The following TUSC3 variants were observed in gnomAD, a reference collection of about 807,000 sequenced individuals.
TUSC3 encodes dolichyl-diphosphooligosaccharide--protein glycosyltransferase subunit TUSC3.
A neutral mutation model predicts 44.8 loss-of-function variants in TUSC3; 45 were observed. That is an observed-to-expected ratio of 1.00 (90% confidence interval 0.79 to 1.29). TUSC3 has a LOEUF of 1.29. Among genes scored for constraint, TUSC3 ranks in the 50% most tolerant of loss-of-function variants. The pLI is 0.00. For synonymous variants in TUSC3, 212 were observed against 152.9 expected, an observed-to-expected ratio of 1.39 and a Z score of -2.85; for missense variants, 519 against 437.9, an observed-to-expected ratio of 1.19 and a Z score of -1.65.
chr8:15,849,451 G>T, the TUSC3 span, among the ~76,000 whole-genome samples: 39 of 152,064 alleles, frequency 2.6e-4, no homozygotes, highest in Admixed American at 1.3e-4. Context: ...GTTTCCACAT[G>T]GTGAAACTGA....
At chr8:15,741,416 A>AATGTC (rs1246771183) in intron 7 of TUSC3, among the ~76,000 whole-genome samples, 2 of 152,222 alleles carry the variant, frequency 1.3e-5, no homozygotes, top group Non-Finnish European at 2.9e-5. Context: ...AATATTTAAA[A>AATGTC]ATGTCATAGT....
intron 2 of TUSC3, among the ~76,000 whole-genome samples, chr8:15,494,643 C>T (rs1585065238): frequency 6.6e-6 from 1 of 152,256 alleles, no homozygotes; most frequent in African/African-American, 2.4e-5. Context: ...AGATTTCCAG[C>T]ACACTAACCA....
At chr8:15,772,819 T>G in the TUSC3 span, among the ~76,000 whole-genome samples, 1 of 152,176 alleles carries the variant, frequency 6.6e-6, no homozygotes, top group Non-Finnish European at 1.5e-5. Context: ...GTGGGAATTA[T>G]TCCAGAAATG....
intron 2 of TUSC3, among the ~76,000 whole-genome samples, chr8:15,528,119 T>A (rs1395662417): frequency 1.3e-5 from 2 of 152,148 alleles, no homozygotes; most frequent in Non-Finnish European, 2.9e-5. Flanking sequence ...CAATAAAACA[T>A]AATGATTAAT....
At chr8:15,628,608 T>C (rs2129166938) in intron 2 of TUSC3, among the ~76,000 whole-genome samples, 1 of 152,228 alleles carries the variant, frequency 6.6e-6, no homozygotes, top group South Asian at 2.1e-4. Context: ...CAAAGCAGTA[T>C]AGAGAAAGGG....
the TUSC3 span, among the ~76,000 whole-genome samples, chr8:15,834,975 G>A: frequency 6.6e-6 from 1 of 152,194 alleles, no homozygotes; most frequent in Admixed American, 6.5e-5. Context: ...GGACATGCAA[G>A]GGTCATGTAA....
At chr8:15,759,536 T>C (rs567096536) in intron 10 of TUSC3, among the ~76,000 whole-genome samples, 1 of 152,092 alleles carries the variant, frequency 6.6e-6, no homozygotes, top group East Asian at 1.9e-4. Flanking sequence ...TGTTCAGATA[T>C]TTCACAGGAA....
chr8:15,810,264 A>G, the TUSC3 span, among the ~76,000 whole-genome samples: 1 of 152,140 alleles, frequency 6.6e-6, no homozygotes, highest in South Asian at 2.1e-4. Flanking sequence ...GTAGCTAAAG[A>G]ACCCCTGGCT....
At chr8:15,768,772 C>G (rs1182885653), downstream of TUSC3, among the ~76,000 whole-genome samples, 1 of 151,966 alleles carries the variant, frequency 6.6e-6, no homozygotes, top group Non-Finnish European at 1.5e-5. Flanking sequence ...TGTGCGAAAA[C>G]CACAAGAATT....
At chr8:15,616,891 G>A (rs1470870821) in intron 1 of TUSC3, among the ~76,000 whole-genome samples, 1 of 152,144 alleles carries the variant, frequency 6.6e-6, no homozygotes, top group African/African-American at 2.4e-5. Flanking sequence ...GCATAGAACT[G>A]CAGTTGGCAC....
chr8:15,598,926 C>T (rs113237007), intron 1 of TUSC3, among the ~76,000 whole-genome samples: 2,553 of 151,698 alleles, frequency 0.017, 66 homozygotes, highest in African/African-American at 0.057. Flanking sequence ...TTTGTGTGGA[C>T]CTAAGTGTTC....
intron 8 of TUSC3, among the ~76,000 whole-genome samples, chr8:15,746,356 A>G (rs1811414367): frequency 6.6e-6 from 1 of 152,076 alleles, no homozygotes; most frequent in Non-Finnish European, 1.5e-5. Context: ...TATGAAAGTG[A>G]GCTGGAAAAC....
chr8:15,656,059 C>T (rs1807149290), intron 3 of TUSC3, among the ~76,000 whole-genome samples: 2 of 152,096 alleles, frequency 1.3e-5, no homozygotes, highest in African/African-American at 2.4e-5. Flanking sequence ...CTAATTTATT[C>T]AACAGGAGTT....
intron 2 of TUSC3, among the ~76,000 whole-genome samples, chr8:15,626,782 A>G (rs1163991480): frequency 6.6e-6 from 1 of 152,208 alleles, no homozygotes; most frequent in African/African-American, 2.4e-5. Flanking sequence ...CTGCTGCCTC[A>G]GTCCCCTCTG....
At chr8:15,532,432 A>C (rs919263551) in intron 2 of TUSC3, among the ~76,000 whole-genome samples, 3 of 152,180 alleles carry the variant, frequency 2.0e-5, no homozygotes, top group South Asian at 2.1e-4. Flanking sequence ...ATTTGCCAAA[A>C]GTTAAGATAA....
chr8:15,829,784 T>A, the TUSC3 span, among the ~76,000 whole-genome samples: 1 of 152,134 alleles, frequency 6.6e-6, no homozygotes, highest in Non-Finnish European at 1.5e-5. Context: ...GTTTTAGATA[T>A]AATTATTTCT....
intron 6 of TUSC3, among the ~76,000 whole-genome samples, chr8:15,690,194 T>C (rs1808837475): frequency 6.6e-6 from 1 of 152,152 alleles, no homozygotes; most frequent in Non-Finnish European, 1.5e-5. Context: ...TTATGTCTTT[T>C]TAATAGGCAT....
intron 1 of TUSC3, among the ~76,000 whole-genome samples, chr8:15,608,937 C>T (rs891808510): frequency 6.6e-6 from 1 of 152,162 alleles, no homozygotes; most frequent in Non-Finnish European, 1.5e-5. Context: ...AAAAACTTGA[C>T]TTGCTCTTGC....
At chr8:15,827,220 G>A in the TUSC3 span, among the ~76,000 whole-genome samples, 1 of 152,158 alleles carries the variant, frequency 6.6e-6, no homozygotes, top group Non-Finnish European at 1.5e-5. Context: ...GTAAAAAGGA[G>A]CATGTGATCT....
Sources: gnomAD v4.1 joint callset for allele counts (sites outside exome capture counted in the v4.1 genomes callset) on GRCh38, gnomAD v4.1.1 for gene constraint, MANE v1.5 for transcripts, NCBI Gene and HGNC (gene_info 2026-07-23, HGNC 2026-07-21) for gene names.